Variants in ZBTB20 observed in about 807,000 individuals in gnomAD.
ZBTB20 encodes the protein zinc finger and BTB domain containing 20.
Under a neutral mutation model 56.9 loss-of-function variants are expected in ZBTB20, and 9 were observed. The observed-to-expected ratio is 0.16, with a 90% CI of 0.10 to 0.28. The LOEUF (loss-of-function observed/expected upper bound fraction) is 0.28, where lower values mean the gene tolerates loss of function less well. Among genes scored for constraint, ZBTB20 ranks in the 10% least tolerant of loss-of-function variants. ZBTB20 has a pLI of 1.00. For synonymous variants in ZBTB20, 417 were observed against 420.7 expected, an observed-to-expected ratio of 0.99 and a Z score of 0.11; for missense variants, 655 against 1,003.0, an observed-to-expected ratio of 0.65 and a Z score of 4.69.
At position 114,319,143 on chromosome 3, in the gene ZBTB20, G is replaced by T. The variant is rs141805705; in HGVS notation, c.*19862C>A. 2.7e-5 allele frequency: 4 copies of T among 149,338 alleles called. No individual in the cohort carries two copies. The highest frequency in any genetic ancestry group is 2.1e-4 in the South Asian group (1 of 4,768). The allele number at this position is 149,338 out of a possible 1,614,324, so 9.3% of individuals were successfully genotyped here. A position where few individuals can be genotyped will look rare whatever the true frequency, so the allele number is the denominator to read the frequency against. On this transcript the variant is annotated 3_prime_UTR_variant, in exon 12 of 12. Coordinates refer to ENST00000675478, the MANE Select transcript of ZBTB20 (RefSeq NM_001348800.3). The stretch of plus-strand genomic sequence containing the variant: ...GCATATCCTTAAGGGCAAACTTTTC[G>T]ATTAGTTTTTTTCTTTTTTTTTTTT...
chr3:114,706,712 C>T (rs1485209030), intron 5 of ZBTB20, among the ~76,000 whole-genome samples: 2 of 152,088 alleles, frequency 1.3e-5, no homozygotes, highest in African/African-American at 2.4e-5. Flanking sequence ...CAAAAGGCCA[C>T]ACTTTCCCCA....
At chr3:114,617,489 T>G (rs769460712) in intron 6 of ZBTB20, among the ~76,000 whole-genome samples, 10 of 152,232 alleles carry the variant, frequency 6.6e-5, no homozygotes, top group African/African-American at 1.2e-4. Context: ...CATGGTTCCT[T>G]GAACATCCTT....
chr3:114,881,981 A>G (rs1202843556), intron 4 of ZBTB20, among the ~76,000 whole-genome samples: 1 of 151,888 alleles, frequency 6.6e-6, no homozygotes, highest in African/African-American at 2.4e-5. Flanking sequence ...AAAAAATGAA[A>G]CTACATAAAA....
intron 3 of ZBTB20, among the ~76,000 whole-genome samples, chr3:114,927,321 T>C (rs1484525625): frequency 2.0e-5 from 3 of 152,228 alleles, no homozygotes; most frequent in Non-Finnish European, 2.9e-5. Flanking sequence ...CATATGTTGA[T>C]TGATGTCTCA....
chr3:114,490,787 G>T (rs1019261375), intron 7 of ZBTB20, among the ~76,000 whole-genome samples: 1 of 152,180 alleles, frequency 6.6e-6, no homozygotes, highest in Non-Finnish European at 1.5e-5. Flanking sequence ...CATACTAGAG[G>T]CTTGGCAATA....
chr3:114,697,986 T>A (rs1031707296), intron 5 of ZBTB20, among the ~76,000 whole-genome samples: 1 of 152,086 alleles, frequency 6.6e-6, no homozygotes, highest in Admixed American at 6.6e-5. Flanking sequence ...GCCTGAAAGT[T>A]CTAATGTGTC....
At position 114,332,503 on chromosome 3, in the gene ZBTB20, A is replaced by G. The variant is rs1163359813; in HGVS notation, c.*6502T>C. On this transcript the variant is annotated 3_prime_UTR_variant, in exon 12 of 12. Coordinates refer to ENST00000675478, the MANE Select transcript of ZBTB20 (RefSeq NM_001348800.3). ...TTCAGCCCCAACCTACGTCACTGAA[A>G]TAGAATAGGAAATAGCAGCCACTAT... The G allele has an allele frequency of 7.2e-5, 11 of 152,222 alleles. No homozygotes were observed. Among genetic ancestry groups the G allele is most frequent in the Admixed American group, 6.5e-4 (10 of 15,286 alleles). 9.4% of individuals were successfully genotyped at this position (152,222 alleles called of 1,614,324 possible). A position where few individuals can be genotyped will look rare whatever the true frequency, so the allele number is the denominator to read the frequency against.
At chr3:114,342,910 T>C (rs931886224) in intron 11 of ZBTB20, among the ~76,000 whole-genome samples, 2 of 152,126 alleles carry the variant, frequency 1.3e-5, no homozygotes, top group African/African-American at 4.8e-5. Flanking sequence ...ATGGATAAAA[T>C]GTCAGCACAG....
intron 3 of ZBTB20, among the ~76,000 whole-genome samples, chr3:114,957,885 G>T (rs1452551401): frequency 6.6e-6 from 1 of 152,170 alleles, no homozygotes; most frequent in Non-Finnish European, 1.5e-5. Context: ...CGTGTACACT[G>T]TTCCAGCTAC....
intron 4 of ZBTB20, among the ~76,000 whole-genome samples, chr3:114,878,179 TTATC>T (rs2076265735): frequency 6.6e-6 from 1 of 152,160 alleles, no homozygotes; most frequent in South Asian, 2.1e-4. Context: ...TTTAATCCCT[TTATC>T]TATTTTTGTT....
chr3:114,996,572 G>C (rs1332920442), intron 2 of ZBTB20, among the ~76,000 whole-genome samples: 1 of 151,964 alleles, frequency 6.6e-6, no homozygotes, highest in African/African-American at 2.4e-5. Context: ...ATTCCATGGT[G>C]TATATGTGCC....
intron 1 of ZBTB20, among the ~76,000 whole-genome samples, chr3:115,074,007 C>G (rs1230203011): frequency 6.6e-6 from 1 of 152,106 alleles, no homozygotes; most frequent in Non-Finnish European, 1.5e-5. Flanking sequence ...TCTCACCTTT[C>G]CTTTCAGCAA....
At chr3:115,113,778 A>G (rs1346936547) in intron 1 of ZBTB20, among the ~76,000 whole-genome samples, 2 of 152,166 alleles carry the variant, frequency 1.3e-5, no homozygotes, top group Non-Finnish European at 2.9e-5. Flanking sequence ...CAGCAGCAGC[A>G]GCGGCAGCAT....
chr3:114,966,173 C>T (rs1576444598), intron 3 of ZBTB20, among the ~76,000 whole-genome samples: 1 of 152,184 alleles, frequency 6.6e-6, no homozygotes, highest in South Asian at 2.1e-4. Flanking sequence ...TTTGGAACAT[C>T]AATTACTTCT....
At chr3:114,637,556 G>A (rs530127238) in intron 6 of ZBTB20, among the ~76,000 whole-genome samples, 1 of 152,022 alleles carries the variant, frequency 6.6e-6, no homozygotes, top group Non-Finnish European at 1.5e-5. Context: ...CCTTTATTTT[G>A]GTATTTCCAC....
rs1037105879 is a variant in ZBTB20, at chr3:114,337,867, C to G, written c.*1138G>C. ...GAGAAGGAATTGGTGGCAGTGTATG[C>G]AAAACCAAAATGAAAAAAATTACTT... On this transcript the variant is annotated 3_prime_UTR_variant, in exon 12 of 12. Transcript: ENST00000675478. The G allele has an allele frequency of 6.7e-6, 1 of 149,782 alleles. No individual in the cohort carries two copies. Among genetic ancestry groups the G allele is most frequent in the East Asian group, 1.9e-4 (1 of 5,152 alleles). 9.3% of individuals were successfully genotyped at this position (149,782 alleles called of 1,614,324 possible).
At chr3:115,042,174 T>C (rs1408796190) in intron 2 of ZBTB20, among the ~76,000 whole-genome samples, 2 of 152,152 alleles carry the variant, frequency 1.3e-5, no homozygotes, top group African/African-American at 4.8e-5. Flanking sequence ...GAATTTGAGA[T>C]GTACAGAGGA....
rs916324100 is a variant in ZBTB20, at chr3:114,457,689, T to C, written c.-255+42663A>G. Among the ~76,000 whole-genome samples the C allele has an allele frequency of 8.5e-5, 13 of 152,286 alleles. No individual in the cohort carries two copies. In the South Asian group the frequency reaches 2.7e-3, roughly 32 times the overall value. On this transcript the variant is annotated intron_variant, in intron 7 of 11. Transcript: ENST00000675478. ...CTAAGGACTTTACATTTTAAAATCA[T>C]ACTTTAGCATCACAAGAATCCTATG...
chr3:114,928,935 A>G (rs1359688126), intron 3 of ZBTB20, among the ~76,000 whole-genome samples: 1 of 152,224 alleles, frequency 6.6e-6, no homozygotes, highest in Non-Finnish European at 1.5e-5. Flanking sequence ...CACTCAGATA[A>G]ACATTTATTA....
Sources: allele counts gnomAD v4.1 joint callset (sites outside exome capture counted in the v4.1 genomes callset), GRCh38; gene constraint gnomAD v4.1.1; transcripts MANE v1.5; gene names NCBI Gene and HGNC (gene_info 2026-07-23, HGNC 2026-07-21).